ATP2C1: variants seen among roughly 807,000 people sequenced by gnomAD.
The protein encoded by ATP2C1 is ATPase secretory pathway Ca2+ transporting 1.
A neutral mutation model predicts 120.5 loss-of-function variants in ATP2C1; 31 were observed. That is an observed-to-expected ratio of 0.26 (90% CI 0.19 to 0.35). The LOEUF (loss-of-function observed/expected upper bound fraction) is 0.35, where lower values mean the gene tolerates loss of function less well. Among genes scored for constraint, ATP2C1 ranks in the 10% least tolerant of loss-of-function variants. The pLI is 1.00. For synonymous variants in ATP2C1, 351 were observed against 358.7 expected, an observed-to-expected ratio of 0.98 and a Z score of 0.24; for missense variants, 731 against 1,107.5, an observed-to-expected ratio of 0.66 and a Z score of 4.83.
intron 17 of ATP2C1, among the ~76,000 whole-genome samples, chr3:130,973,382 T>G (rs2061414487): frequency 6.6e-6 from 1 of 152,116 alleles, no homozygotes; most frequent in South Asian, 2.1e-4. Flanking sequence ...GGAGATCATA[T>G]AAAAGGGCTT....
chr3:130,981,291 T>C (rs76645739), intron 20 of ATP2C1, among the ~76,000 whole-genome samples: 2,042 of 152,330 alleles, frequency 0.013, 39 homozygotes, highest in African/African-American at 0.046. Flanking sequence ...AATTGAATCA[T>C]ACCATATGAA....
rs559826369 is a variant in ATP2C1 at position 130,941,709 on chromosome 3, G to A, written c.531+10G>A. ...CTTACGCTTGTTTGAGGTAAATTTG[G>A]GATCTGATTGTAATAAGTGAAAATA... is the stretch of plus-strand genomic sequence containing the variant. On this transcript the variant is annotated intron_variant, in intron 8 of 27. Transcript: ENST00000510168. The A allele has an allele frequency of 1.4e-4, 216 of 1,593,948 alleles. No individual in the cohort carries two copies. In the South Asian group the frequency reaches 2.3e-3, roughly 17 times the overall value.
intron 20 of ATP2C1, among the ~76,000 whole-genome samples, chr3:130,984,986 A>G (rs1414383488): frequency 2.0e-5 from 3 of 152,238 alleles, no homozygotes; most frequent in Non-Finnish European, 4.4e-5. Flanking sequence ...TCATAAGGGA[A>G]ATGCATAAAC....
At chr3:130,902,284 GTTTTTTTTTTT>G (rs1157956407) in intron 2 of ATP2C1, among the ~76,000 whole-genome samples, 2 of 65,504 alleles carry the variant, frequency 3.1e-5, no homozygotes, top group African/African-American at 5.6e-5. Flanking sequence ...AAGGCTTCAC[GTTTTTTTTTTT>G]TGTTTTTTTT....
At position 131,002,144 on chromosome 3, in the gene ATP2C1, G is replaced by T; in HGVS notation, c.*794G>T. On this transcript the variant is annotated 3_prime_UTR_variant, in exon 28 of 28. Transcript: ENST00000510168. ...GTCAAAAACATTTAAGACTGATTGGGTTGAAGTTTATAATAAATTATATTA... is the reference window on the plus strand; with the variant it reads ...GTCAAAAACATTTAAGACTGATTGGTTTGAAGTTTATAATAAATTATATTA... The T allele has an allele frequency of 1.0e-6, 1 of 983,218 alleles. No individual in the cohort carries two copies. Among genetic ancestry groups the T allele is most frequent in the South Asian group, 4.7e-5 (1 of 21,230 alleles). The allele number at this position is 983,218 out of a possible 1,614,324, so 60.9% of individuals were successfully genotyped here.
intron 26 of ATP2C1, among the ~76,000 whole-genome samples, chr3:131,014,744 G>A (rs1282543784): frequency 6.6e-6 from 1 of 152,156 alleles, no homozygotes; most frequent in African/African-American, 2.4e-5. Flanking sequence ...GTTAGAATAT[G>A]AGAAAATTTA....
intron 14 of ATP2C1, among the ~76,000 whole-genome samples, 191 bp downstream of exon 14, chr3:130,965,236 T>C (rs1360674284): frequency 6.6e-6 from 1 of 152,074 alleles, no homozygotes; most frequent in Admixed American, 6.6e-5. Flanking sequence ...TCCAAAAACT[T>C]TGATTCCTCC....
chr3:130,939,973 A>T (rs983640180), intron 6 of ATP2C1, among the ~76,000 whole-genome samples: 2 of 152,228 alleles, frequency 1.3e-5, no homozygotes, highest in African/African-American at 2.4e-5. Context: ...AAGACTGCTC[A>T]TGGAAATGTG....
chr3:130,964,815 A>G, intron 13 of ATP2C1, 133 bp from the exon 14 acceptor site: 1 of 637,726 alleles, frequency 1.6e-6, no homozygotes, highest in East Asian at 2.8e-5. Context: ...AAGTTAATCT[A>G]AAATTAACAA....
intron 20 of ATP2C1, among the ~76,000 whole-genome samples, chr3:130,986,204 C>G (rs1195857694): frequency 7.8e-6 from 1 of 128,746 alleles, no homozygotes; most frequent in Non-Finnish European, 1.6e-5. Flanking sequence ...TTTTTTGGTG[C>G]ACGTCCTATC....
intron 17 of ATP2C1, among the ~76,000 whole-genome samples, chr3:130,970,673 G>A (rs947769734): frequency 3.3e-5 from 5 of 152,098 alleles, no homozygotes; most frequent in African/African-American, 9.7e-5. Context: ...GATTGCAGGC[G>A]TGAGCCACCA....
rs774591288 is a variant in ATP2C1, at chr3:130,964,082, T to C, written c.1011T>C (p.Ile337=). The change falls in exon 13 of 28, where the codon ATT becomes ATC. Residue 337 remains isoleucine, a synonymous_variant. Transcript: ENST00000510168. ...KKRAIVKKLP[I]VETLGCCNVI... Reference sequence around the variant, plus strand: ...GGGCCATTGTGAAAAAGCTGCCTATTGTTGAAACTCTGGGTAAGTCTGTGT... The same window carrying C: ...GGGCCATTGTGAAAAAGCTGCCTATCGTTGAAACTCTGGGTAAGTCTGTGT... 1.9e-6 allele frequency: 3 copies of C among 1,612,488 alleles called. No individual in the cohort carries two copies. In the South Asian group the frequency reaches 3.3e-5, roughly 18 times the overall value.
intron 1 of ATP2C1, among the ~76,000 whole-genome samples, chr3:130,853,616 T>C (rs146930265): frequency 1.2e-3 from 185 of 152,288 alleles, no homozygotes; most frequent in African/African-American, 4.3e-3. Flanking sequence ...CTTCAATACT[T>C]GGATTAAATG....
upstream of ATP2C1, among the ~76,000 whole-genome samples, chr3:130,892,494 G>T (rs1326158102): frequency 6.6e-6 from 1 of 151,888 alleles, no homozygotes; most frequent in African/African-American, 2.4e-5. Flanking sequence ...ATTTTTATGG[G>T]TTCATCTTTA....
intron 17 of ATP2C1, among the ~76,000 whole-genome samples, chr3:130,972,420 TC>T (rs1235908023): frequency 3.3e-5 from 5 of 152,030 alleles, no homozygotes; most frequent in Admixed American, 6.6e-5. Flanking sequence ...TACCAGTTGA[TC>T]CTTAGCTCTG....
At chr3:130,959,054 G>A (rs1230150191) in intron 11 of ATP2C1, among the ~76,000 whole-genome samples, 1 of 152,112 alleles carries the variant, frequency 6.6e-6, no homozygotes, top group African/African-American at 2.4e-5. Context: ...TGTGTGGTGT[G>A]TGTGTGCACA....
chr3:131,013,426 A>AT (rs759835072), intron 26 of ATP2C1, among the ~76,000 whole-genome samples: 18 of 152,190 alleles, frequency 1.2e-4, no homozygotes, highest in Admixed American at 4.6e-4. Flanking sequence ...ATTGCTGCAT[A>AT]TATCTCTTGA....
At chr3:130,875,108 T>G (rs978638030) in intron 1 of ATP2C1, among the ~76,000 whole-genome samples, 4 of 152,232 alleles carry the variant, frequency 2.6e-5, no homozygotes, top group African/African-American at 9.6e-5. Context: ...CCTCAAAAAT[T>G]TATGATTTCT....
At chr3:130,979,185 T>C (rs2061650301) in intron 18 of ATP2C1, 64 bp from the exon 19 acceptor site, 2 of 1,518,436 alleles carry the variant, frequency 1.3e-6, no homozygotes, top group African/African-American at 2.7e-5. Flanking sequence ...TTCTATCAAC[T>C]AAATTCTGAT....
Sources: gnomAD v4.1 joint callset for allele counts (sites outside exome capture counted in the v4.1 genomes callset) on GRCh38, gnomAD v4.1.1 for gene constraint, MANE v1.5 for transcripts, NCBI Gene and HGNC (gene_info 2026-07-23, HGNC 2026-07-21) for gene names.